Variants in SMARCAL1 observed in about 807,000 individuals in gnomAD.
SMARCAL1 encodes ATP-driven annealing helicase.
Under a neutral mutation model 94.5 loss-of-function variants are expected in SMARCAL1, and 58 were observed. The ratio of observed to expected loss-of-function variants is 0.61; its 90% CI spans 0.50 to 0.76. The LOEUF is 0.76. Among genes scored for constraint, SMARCAL1 ranks in the 30% least tolerant of loss-of-function variants. SMARCAL1 has a pLI of 0.00. For synonymous variants in SMARCAL1, 422 were observed against 455.1 expected, an observed-to-expected ratio of 0.93 and a Z score of 0.93; for missense variants, 1,051 against 1,177.9, an observed-to-expected ratio of 0.89 and a Z score of 1.58.
chr2:216,464,316 C>T (rs1470602412), intron 12 of SMARCAL1, among the ~76,000 whole-genome samples: 1 of 152,176 alleles, frequency 6.6e-6, no homozygotes, highest in Non-Finnish European at 1.5e-5. Flanking sequence ...ACCTGAAATG[C>T]GTCTCCAAAG....
At chr2:216,462,806 T>G (rs954225254) in intron 12 of SMARCAL1, among the ~76,000 whole-genome samples, 3 of 148,680 alleles carry the variant, frequency 2.0e-5, no homozygotes, top group Non-Finnish European at 4.4e-5. Context: ...GACAACATAG[T>G]GAGATCCTGT....
chr2:216,431,143 T>A (rs1386198657), intron 7 of SMARCAL1, among the ~76,000 whole-genome samples: 1 of 152,226 alleles, frequency 6.6e-6, no homozygotes, highest in Non-Finnish European at 1.5e-5. Context: ...GTCCCCACAC[T>A]CTACTGGCTT....
intron 12 of SMARCAL1, among the ~76,000 whole-genome samples, chr2:216,463,757 A>G (rs1032626402): frequency 1.3e-5 from 2 of 152,170 alleles, no homozygotes. Flanking sequence ...ATGATACTAA[A>G]ATGGGCCAGG....
intron 14 of SMARCAL1, among the ~76,000 whole-genome samples, chr2:216,474,471 T>C (rs183398485): frequency 0.056 from 7,426 of 133,550 alleles, 268 homozygotes; most frequent in African/African-American, 0.11. Flanking sequence ...AAAAAAAAAA[T>C]TGGCCAGGTG....
intron 12 of SMARCAL1, among the ~76,000 whole-genome samples, chr2:216,461,846 A>G (rs1215411199): frequency 6.6e-6 from 1 of 152,026 alleles, no homozygotes; most frequent in African/African-American, 2.4e-5. Flanking sequence ...AAAAAAAACA[A>G]ACCATAATAT....
chr2:216,416,891 A>G (rs1278252207), intron 4 of SMARCAL1, among the ~76,000 whole-genome samples: 2 of 152,242 alleles, frequency 1.3e-5, no homozygotes, highest in East Asian at 1.9e-4. Context: ...GTGTCTGGTC[A>G]TAGTCAGCAC....
At chr2:216,473,540 T>C (rs1305234340) in intron 14 of SMARCAL1, among the ~76,000 whole-genome samples, 1 of 152,148 alleles carries the variant, frequency 6.6e-6, no homozygotes, top group African/African-American at 2.4e-5. Context: ...GGTTAAATTA[T>C]GCTGTTGCTG....
chr2:216,450,868 C>G lies in SMARCAL1; in HGVS notation c.1874C>G (p.Ser625Ter), dbSNP rs150715355. 1.2e-6 allele frequency: 2 copies of G among 1,613,964 alleles called. No homozygotes were observed. The highest frequency in any genetic ancestry group is 1.3e-5 in the African/African-American group (1 of 74,916). Residue 625 changes from serine to a stop codon, truncating the protein, a stop_gained, in exon 12 of 18, where the codon TCA (serine) becomes TGA (stop). Transcript: ENST00000357276. LOFTEE classifies it high-confidence loss of function. ...AKRMPWGWDY[S>*]GSSNLGELKL... ...CAGATGCCTTGGGGGTGGGACTACT[C>G]AGGTTCCTCCAACCTGGGAGAGCTG...
rs1439266744 is a variant in SMARCAL1, at chr2:216,469,484, G to A, written c.2244+1438G>A. ...TTTTTAGTAGAGACAGGGTTTCACCGTGTGTTAGCCAGGATGGTCTCGATC... is the reference window on the plus strand; with the variant it reads ...TTTTTAGTAGAGACAGGGTTTCACCATGTGTTAGCCAGGATGGTCTCGATC... On this transcript the variant is annotated intron_variant, in intron 14 of 17. Transcript: ENST00000357276. 2.0e-5 allele frequency among the ~76,000 whole-genome samples: 3 copies of A among 151,584 alleles called. No homozygotes were observed. The South Asian group carries it at 6.3e-4, about 32-fold the overall frequency.
intron 11 of SMARCAL1, among the ~76,000 whole-genome samples, chr2:216,448,019 T>A (rs1403682447): frequency 3.3e-5 from 5 of 152,208 alleles, no homozygotes; most frequent in Non-Finnish European, 7.3e-5. Context: ...GTGTCTGCCT[T>A]ATTTTTTAAA....
intron 10 of SMARCAL1, among the ~76,000 whole-genome samples, chr2:216,444,392 GAA>G (rs909573406): frequency 6.8e-6 from 1 of 147,526 alleles, no homozygotes; most frequent in Non-Finnish European, 1.5e-5. Context: ...GGCTCAATTG[GAA>G]AAAAAAAAGA....
intron 12 of SMARCAL1, among the ~76,000 whole-genome samples, chr2:216,461,023 T>C (rs1457850326): frequency 2.6e-5 from 4 of 151,228 alleles, no homozygotes; most frequent in Middle Eastern, 3.4e-3. Context: ...GTATGTACAA[T>C]AAAATTTTAT....
intron 13 of SMARCAL1, among the ~76,000 whole-genome samples, chr2:216,465,458 C>T (rs1414793921): frequency 6.6e-6 from 1 of 150,540 alleles, no homozygotes; most frequent in Non-Finnish European, 1.5e-5. Flanking sequence ...CCATTACTTA[C>T]CTAAATAAAA....
intron 14 of SMARCAL1, among the ~76,000 whole-genome samples, chr2:216,472,358 A>T (rs1167969792): frequency 6.6e-6 from 1 of 152,158 alleles, no homozygotes; most frequent in African/African-American, 2.4e-5. Context: ...TATCTCAAAA[A>T]TAAGATAAAT....
intron 6 of SMARCAL1, among the ~76,000 whole-genome samples, chr2:216,425,826 C>T (rs72946693): frequency 0.089 from 13,607 of 152,112 alleles, 808 homozygotes; most frequent in South Asian, 0.18. Flanking sequence ...AAGCACCATT[C>T]GATTGGCTAA....
rs1693993253 is a variant in SMARCAL1 at position 216,432,741 on chromosome 2, G to A, written c.1358G>A (p.Arg453His). ...AGTTTTGCCATAGCCAAAGGAGGCC[G>A]CCTGCTGCTCGCTGACGACATGGGC... ...GVNFAIAKGG[R>H]LLLADDMGLG... The change falls in exon 8 of 18, where the codon CGC becomes CAC. Residue 453 changes from arginine (R) to histidine (H), a missense_variant. Arg to His is a conservative substitution (Grantham distance 29). Transcript: ENST00000357276. 5 of 1,614,128 alleles carry A rather than the reference G, an allele frequency of 3.1e-6. No homozygotes were observed. Among genetic ancestry groups the A allele is most frequent in the Non-Finnish European group, 4.2e-6 (5 of 1,180,012 alleles).
Position 216,475,188 on chromosome 2 carries a change from G to A in SMARCAL1, c.2245-81G>A. 1 of 1,443,120 alleles carries A rather than the reference G, an allele frequency of 6.9e-7. No individual in the cohort carries two copies. The highest frequency in any genetic ancestry group is 1.4e-5 in the African/African-American group (1 of 71,602). The allele number at this position is 1,443,120 out of a possible 1,614,324, so 89.4% of individuals were successfully genotyped here. On this transcript the variant is annotated intron_variant, in intron 14 of 17. Transcript: ENST00000357276. The surrounding 1 kb of genome is among the most constrained non-coding windows in gnomAD (Gnocchi z 4.4). ...CTGCTGAGCTGGAACCTGGTTCTGT[G>A]CTGGAGCTGTGGCTGGGTGTGGTTT... is the stretch of plus-strand genomic sequence containing the variant.
intron 8 of SMARCAL1, among the ~76,000 whole-genome samples, 173 bp from the exon 9 acceptor site, chr2:216,435,165 C>G (rs1574458521): frequency 6.6e-6 from 1 of 151,992 alleles, no homozygotes; most frequent in East Asian, 1.9e-4. Flanking sequence ...TCTCCCCCAA[C>G]TCTTAAAAAA....
intron 12 of SMARCAL1, among the ~76,000 whole-genome samples, chr2:216,451,794 G>C (rs1041732115): frequency 3.9e-5 from 6 of 152,164 alleles, no homozygotes; most frequent in Non-Finnish European, 8.8e-5. Flanking sequence ...ATCTACACCA[G>C]CTCTGTTTCT....
Sources: allele counts gnomAD v4.1 joint callset (sites outside exome capture counted in the v4.1 genomes callset), GRCh38; gene constraint gnomAD v4.1.1; non-coding constraint Gnocchi (gnomAD v3.1); transcripts MANE v1.5; gene names NCBI Gene and HGNC (gene_info 2026-07-23, HGNC 2026-07-21).